SEL1L3: variants seen among roughly 807,000 people sequenced by gnomAD.
The protein encoded by SEL1L3 is protein sel-1 homolog 3.
SEL1L3 carries 76 observed loss-of-function variants against 142.8 expected under a neutral mutation model. The observed-to-expected ratio is 0.53, with a 90% CI of 0.44 to 0.64. The LOEUF (loss-of-function observed/expected upper bound fraction) is 0.64, where lower values mean the gene tolerates loss of function less well. Among genes scored for constraint, SEL1L3 ranks in the 30% least tolerant of loss-of-function variants. The probability of loss-of-function intolerance (pLI) is 0.00; values close to 1 mark genes in which losing one functional copy is unlikely to be tolerated. For synonymous variants in SEL1L3, 504 were observed against 519.6 expected (o/e 0.97, Z 0.41); for missense variants, 1,262 against 1,381.7 (o/e 0.91, Z 1.37).
the SEL1L3 span, among the ~76,000 whole-genome samples, chr4:25,733,820 G>C: frequency 6.6e-6 from 1 of 151,958 alleles, no homozygotes; most frequent in African/African-American, 2.4e-5. Flanking sequence ...GGGCCAGTTT[G>C]TTTGTTTTTA....
At position 25,748,501 on chromosome 4, in the gene SEL1L3, G is replaced by T. The variant is rs1296126974; in HGVS notation, c.3323C>A (p.Pro1108Gln). 6.2e-7 allele frequency: 1 copy of T among 1,611,914 alleles called. No homozygotes were observed. Among genetic ancestry groups the T allele is most frequent in the Admixed American group, 1.7e-5 (1 of 59,716 alleles). ...SPDTATSTAS[P>Q]AVTPAADASD... ...GGCATCTGCAGCTGGAGTCACAGCT[G>T]GACTTGCAGTGGACGTGGCAGTGTC... The change falls in exon 24 of 24, where the codon CCA (proline) becomes CAA (glutamine). Residue 1108 changes from proline to glutamine, a missense_variant. Physicochemically the swap from Pro to Gln is moderately conservative, Grantham distance 76. Around this residue, in one of 3 missense-constraint regions of SEL1L3, gnomAD observed 138 missense variants for 129.7 expected, o/e 1.06. Transcript: ENST00000399878.
the SEL1L3 span, among the ~76,000 whole-genome samples, chr4:25,724,771 AGG>A: frequency 0.011 from 455 of 43,262 alleles, no homozygotes; most frequent in East Asian, 0.016. Context: ...AAAAAAAAAA[AGG>A]AAAAGAAATT....
In SEL1L3 at chr4:25,748,312, T is replaced by A; in HGVS notation, c.*113A>T. On this transcript the variant is annotated 3_prime_UTR_variant, in exon 24 of 24. Transcript: ENST00000399878. ...AATGACACCAATTGCAAAATTTGCA[T>A]CCAGTTGACAAGACATTTAAGGTGT... The A allele has an allele frequency of 8.7e-7, 1 of 1,155,006 alleles. No individual in the cohort carries two copies. The highest frequency in any genetic ancestry group is 1.2e-6 in the Non-Finnish European group (1 of 834,346). 71.5% of individuals were successfully genotyped at this position (1,155,006 alleles called of 1,614,324 possible).
rs1295145985 is a variant in SEL1L3 at position 25,862,845 on chromosome 4, C to G, written c.-9G>C. ...GCGCCGCGCCGCTGCATGGCGAGGC[C>G]GCCCGGATCCGGGCCGGAACAGGTC... On this transcript the variant is annotated 5_prime_UTR_variant, in exon 1 of 24. Transcript: ENST00000399878. 9.1e-7 allele frequency: 1 copy of G among 1,104,654 alleles called. No homozygotes were observed. The highest frequency in any genetic ancestry group is 5.1e-5 in the Admixed American group (1 of 19,562). The allele number at this position is 1,104,654 out of a possible 1,614,324, so 68.4% of individuals were successfully genotyped here.
Position 25,757,535 on chromosome 4 carries a change from T to C in SEL1L3, c.3258A>G (p.Ser1086=), listed in dbSNP as rs1014999093. ...CTTTCGCTTTTTATAAATCTTTACC[T>C]GAGACAGACTGGAAATACTGCACAG... ...AWTVQYFQSV[S]ASDPPPRPSQ... The change falls in exon 23 of 24, where the codon TCA becomes TCG. Residue 1086 remains serine (S), a splice_region_variant and synonymous_variant. Coordinates refer to ENST00000399878, the MANE Select transcript of SEL1L3 (RefSeq NM_015187.5). 1.9e-6 allele frequency: 3 copies of C among 1,541,960 alleles called. No individual in the cohort carries two copies. Among genetic ancestry groups the C allele is most frequent in the African/African-American group, 2.8e-5 (2 of 72,118 alleles).
intron 21 of SEL1L3, 23 bp from the exon 22 acceptor site, chr4:25,757,813 C>T: frequency 1.9e-6 from 3 of 1,542,268 alleles, no homozygotes; most frequent in Non-Finnish European, 2.6e-6. Context: ...CCCAGGGCAT[C>T]TTGACGTGTC....
chr4:25,802,906 T>C (rs544540774), intron 10 of SEL1L3, among the ~76,000 whole-genome samples: 5 of 152,348 alleles, frequency 3.3e-5, no homozygotes, highest in African/African-American at 7.2e-5. Context: ...AAAGCCAATC[T>C]AGCTTTCTAT....
intron 3 of SEL1L3, among the ~76,000 whole-genome samples, chr4:25,834,664 A>G (rs1370508298): frequency 1.3e-5 from 2 of 152,238 alleles, no homozygotes; most frequent in East Asian, 3.8e-4. Context: ...AAAGTGACTC[A>G]AGATCTTTCT....
intron 4 of SEL1L3, 86 bp downstream of exon 4, chr4:25,833,362 T>C: frequency 7.6e-7 from 1 of 1,312,658 alleles, no homozygotes; most frequent in Non-Finnish European, 1.1e-6. Flanking sequence ...TGACAGGATC[T>C]TCCTTATTCT....
chr4:25,767,700 A>G (rs941393030), intron 18 of SEL1L3, 40 bp downstream of exon 18: 2 of 1,471,822 alleles, frequency 1.4e-6, no homozygotes, highest in Admixed American at 1.9e-5. Flanking sequence ...ATTATCCTTA[A>G]CCTCAGAGCT....
chr4:25,862,798 C>T lies in SEL1L3; in HGVS notation c.39G>A (p.Gln13=), dbSNP rs1717821482. The part of the protein sequence containing the change: ...RRGAGLGWPR[Q]QQQQPPPLAV... Reference sequence around the variant, plus strand: ...CGAGCGGCGGGGGTTGCTGCTGCTGCTGCCGCGGCCACCCGAGCCCCGCGC... The same window carrying T: ...CGAGCGGCGGGGGTTGCTGCTGCTGTTGCCGCGGCCACCCGAGCCCCGCGC... Residue 13 remains glutamine, a synonymous_variant, in exon 1 of 24, where the codon CAG becomes CAA. Transcript: ENST00000399878. 3 of 1,174,312 alleles carry T rather than the reference C, an allele frequency of 2.6e-6. No homozygotes were observed. The highest frequency in any genetic ancestry group is 3.8e-5 in the East Asian group (1 of 25,996). The allele number at this position is 1,174,312 out of a possible 1,614,324, so 72.7% of individuals were successfully genotyped here.
At chr4:25,744,783 A>G (rs970360390), downstream of SEL1L3, among the ~76,000 whole-genome samples, 1 of 152,212 alleles carries the variant, frequency 6.6e-6, no homozygotes, top group Non-Finnish European at 1.5e-5. Flanking sequence ...CTTATGAGAA[A>G]AGACTAAGAC....
chr4:25,769,254 G>A (rs1718983651), intron 17 of SEL1L3, among the ~76,000 whole-genome samples: 1 of 152,158 alleles, frequency 6.6e-6, no homozygotes, highest in African/African-American at 2.4e-5. Flanking sequence ...CTTCTGGCAG[G>A]CAATCCCTTG....
chr4:25,765,284 G>T (rs552957446), intron 20 of SEL1L3, 42 bp downstream of exon 20: 1 of 1,371,218 alleles, frequency 7.3e-7, no homozygotes, highest in South Asian at 1.2e-5. Flanking sequence ...ATGAGCCACC[G>T]TGCCCGGCCA....
At chr4:25,832,415 A>T (rs892954213) in intron 5 of SEL1L3, among the ~76,000 whole-genome samples, 1 of 152,258 alleles carries the variant, frequency 6.6e-6, no homozygotes, top group African/African-American at 2.4e-5. Flanking sequence ...GCCATAATCC[A>T]TAAAATTCAT....
intron 11 of SEL1L3, among the ~76,000 whole-genome samples, chr4:25,795,767 C>A (rs1370676296): frequency 6.6e-6 from 1 of 152,214 alleles, no homozygotes; most frequent in African/African-American, 2.4e-5. Context: ...AGCATCACAT[C>A]ATGGTCACAT....
At chr4:25,862,559 G>T (rs896311805) in intron 1 of SEL1L3, 116 bp downstream of exon 1, 2 of 481,340 alleles carry the variant, frequency 4.2e-6, no homozygotes, top group Non-Finnish European at 6.3e-6. Context: ...CGACGAGGAA[G>T]AGAGAAAACT....
At chr4:25,754,881 C>T (rs1211728155) in intron 23 of SEL1L3, among the ~76,000 whole-genome samples, 2 of 151,950 alleles carry the variant, frequency 1.3e-5, no homozygotes, top group East Asian at 3.9e-4. Context: ...GCTGTTAGGG[C>T]CCTATATTGA....
rs141421598 is a variant in SEL1L3 at position 25,754,420 on chromosome 4, C to T, written c.3259+3114G>A. On this transcript the variant is annotated intron_variant, in intron 23 of 23. Transcript: ENST00000399878. ...CTGGAGCGTGGTGGTGCAATTTCAG[C>T]TCACTGCAACCTCCGTCTCCGGGGT... is the stretch of plus-strand genomic sequence containing the variant. Among the ~76,000 whole-genome samples the T allele has an allele frequency of 1.9e-3, 291 of 150,662 alleles. 1 individual carries two copies. The highest frequency in any genetic ancestry group is 6.4e-3 in the African/African-American group (264 of 41,064).
Sources: gnomAD v4.1 joint callset for allele counts (sites outside exome capture counted in the v4.1 genomes callset) on GRCh38, gnomAD v4.1.1 for gene constraint, gnomAD v4.1.1 regional missense constraint, MANE v1.5 for transcripts, NCBI Gene and HGNC (gene_info 2026-07-23, HGNC 2026-07-21) for gene names.